ARHGAP24: variants seen among roughly 807,000 people sequenced by gnomAD.
The protein encoded by ARHGAP24 is Rho GTPase activating protein 24, also known as rho GTPase-activating protein 24.
In ARHGAP24, 50 loss-of-function variants were observed where a neutral mutation model predicts 76.4. The observed-to-expected ratio is 0.65, with a 90% CI of 0.52 to 0.83. The LOEUF (loss-of-function observed/expected upper bound fraction) is 0.83. ARHGAP24 is among the 40% of genes least tolerant of loss of function. The pLI is 0.00. For synonymous variants in ARHGAP24, 345 were observed against 323.3 expected (o/e 1.07, Z -0.72); for missense variants, 930 against 914.2 (o/e 1.02, Z -0.22).
At chr4:85,733,197 G>A (rs1268423232) in intron 3 of ARHGAP24, among the ~76,000 whole-genome samples, 1 of 151,152 alleles carries the variant, frequency 6.6e-6, no homozygotes, top group Non-Finnish European at 1.5e-5. Flanking sequence ...CCGAGTAGCT[G>A]GGACTACAGG....
intron 2 of ARHGAP24, among the ~76,000 whole-genome samples, chr4:85,644,491 A>G (rs1462273893): frequency 1.3e-5 from 2 of 152,150 alleles, no homozygotes; most frequent in Non-Finnish European, 2.9e-5. Flanking sequence ...TATAATGATG[A>G]TGATTGCATA....
At chr4:85,592,073 T>C (rs1384133) in intron 2 of ARHGAP24, among the ~76,000 whole-genome samples, 141,798 of 152,232 alleles carry the variant, frequency 0.93, 66,080 homozygotes, top group East Asian at 0.98. Flanking sequence ...TGACTCCCAC[T>C]GTTCCTTCCC....
intron 2 of ARHGAP24, among the ~76,000 whole-genome samples, chr4:85,625,463 A>G (rs933431090): frequency 1.3e-5 from 2 of 152,034 alleles, no homozygotes; most frequent in Non-Finnish European, 2.9e-5. Context: ...CTGTTCTTTT[A>G]CATTTGCTGA....
At chr4:85,629,556 A>G (rs1005187188) in intron 2 of ARHGAP24, among the ~76,000 whole-genome samples, 2 of 152,086 alleles carry the variant, frequency 1.3e-5, no homozygotes, top group Non-Finnish European at 2.9e-5. Context: ...TAACTCCCAT[A>G]GTTTTTGTTT....
At position 85,552,587 on chromosome 4, in the gene ARHGAP24, T is replaced by G. The variant is rs1726182900; in HGVS notation, c.-20-17935T>G. On this transcript the variant is annotated intron_variant, in intron 1 of 9. Coordinates refer to ENST00000395184, the MANE Select transcript of ARHGAP24 (RefSeq NM_001025616.3). Reference sequence around the variant, plus strand: ...TGAATATTTTTGTTAACTTTGTGCCTCTATGATCTGTCTAATACCATCAGT... The same window carrying G: ...TGAATATTTTTGTTAACTTTGTGCCGCTATGATCTGTCTAATACCATCAGT... Among the ~76,000 whole-genome samples, 7 of 152,176 alleles carry G rather than the reference T, an allele frequency of 4.6e-5. No individual in the cohort carries two copies. In the South Asian group the frequency reaches 1.4e-3, roughly 32 times the overall value.
At chr4:85,510,818 C>T (rs1025956832) in intron 1 of ARHGAP24, among the ~76,000 whole-genome samples, 1 of 14,006 alleles carries the variant, frequency 7.1e-5, no homozygotes, top group Non-Finnish European at 1.8e-4. Flanking sequence ...TCCTCCTCCT[C>T]CTCCTTCTCT....
intron 3 of ARHGAP24, among the ~76,000 whole-genome samples, chr4:85,787,749 G>A (rs1300185119): frequency 6.6e-6 from 1 of 152,102 alleles, no homozygotes; most frequent in African/African-American, 2.4e-5. Context: ...GGTTCTTGAG[G>A]GGTGGCAGGA....
intron 3 of ARHGAP24, among the ~76,000 whole-genome samples, chr4:85,882,117 A>T (rs1032632208): frequency 6.6e-6 from 1 of 151,992 alleles, no homozygotes; most frequent in Non-Finnish European, 1.5e-5. Flanking sequence ...AAGAATTCTT[A>T]CTAGATTGTC....
intron 3 of ARHGAP24, among the ~76,000 whole-genome samples, chr4:85,745,025 A>T (rs150070623): frequency 6.6e-6 from 1 of 152,218 alleles, no homozygotes; most frequent in African/African-American, 2.4e-5. Context: ...ATTAATTCCA[A>T]ACAATGTTTA....
intron 9 of ARHGAP24, among the ~76,000 whole-genome samples, chr4:85,998,541 C>T (rs1044542643): frequency 3.3e-5 from 5 of 151,846 alleles, no homozygotes; most frequent in Non-Finnish European, 7.4e-5. Context: ...ATCTTCCCAC[C>T]TTCTCAATTT....
At position 85,992,138 on chromosome 4, in the gene ARHGAP24, T is replaced by G. The variant is rs114573209; in HGVS notation, c.929-2445T>G. ...TTATAACCAGTCTGACCTCATTATC[T>G]GGGCTTCATGTTCCTCATTGGCATT... On this transcript the variant is annotated intron_variant, in intron 8 of 9. Transcript: ENST00000395184. 3.6e-3 allele frequency: 1,413 copies of G among 397,840 alleles called. 5 individuals carry two copies. Among genetic ancestry groups the G allele is most frequent in the Non-Finnish European group, 4.7e-3 (1,053 of 225,506 alleles). The allele number at this position is 397,840 out of a possible 1,614,324, so 24.6% of individuals were successfully genotyped here. A position where few individuals can be genotyped will look rare whatever the true frequency, so the allele number is the denominator to read the frequency against.
chr4:85,848,760 T>C (rs1311146410), intron 3 of ARHGAP24, among the ~76,000 whole-genome samples: 1 of 152,170 alleles, frequency 6.6e-6, no homozygotes, highest in East Asian at 1.9e-4. Context: ...TGGTTGTAGA[T>C]GTGTGGTATT....
In ARHGAP24 at chr4:85,903,995, C is replaced by T. The variant is rs1734635658; in HGVS notation, c.269-19653C>T. Among the ~76,000 whole-genome samples, 4 of 152,124 alleles carry T rather than the reference C, an allele frequency of 2.6e-5. No homozygotes were observed. The South Asian group carries it at 8.3e-4, about 31-fold the overall frequency. On this transcript the variant is annotated intron_variant, in intron 3 of 9. Transcript: ENST00000395184. The stretch of plus-strand genomic sequence containing the variant: ...GGAAATTAAAAAAAAGAAACTTTAT[C>T]TTGTTTTAACCTATAGTATTTCACA...
rs145206111 is a variant in ARHGAP24 at position 85,876,785 on chromosome 4, C to T, written c.269-46863C>T. Among the ~76,000 whole-genome samples, 373 of 152,274 alleles carry T rather than the reference C, an allele frequency of 2.4e-3. 1 individual carries two copies. The highest frequency in any genetic ancestry group is 8.6e-3 in the African/African-American group (358 of 41,546). ...CACACGTAACATCAGTGGTACTGAC[C>T]ATCAACCAGCATGTAAGGCCTCCCA... On this transcript the variant is annotated intron_variant, in intron 3 of 9. Transcript: ENST00000395184.
intron 3 of ARHGAP24, among the ~76,000 whole-genome samples, chr4:85,879,887 C>T (rs1415262063): frequency 6.6e-6 from 1 of 151,894 alleles, no homozygotes; most frequent in Non-Finnish European, 1.5e-5. Flanking sequence ...GAACGGCTTC[C>T]GAGGCATTAG....
chr4:85,940,476 T>C (rs757898037), intron 4 of ARHGAP24, among the ~76,000 whole-genome samples: 2 of 152,074 alleles, frequency 1.3e-5, no homozygotes, highest in Non-Finnish European at 2.9e-5. Flanking sequence ...AGAAGACTTA[T>C]TGACATTGAA....
At chr4:85,497,508 T>G (rs531261755) in intron 1 of ARHGAP24, among the ~76,000 whole-genome samples, 1 of 152,282 alleles carries the variant, frequency 6.6e-6, no homozygotes, top group African/African-American at 2.4e-5. Flanking sequence ...GCAAAATCAG[T>G]TCTTCTATGC....
At chr4:85,721,376 CAA>C (rs1228818660) in intron 2 of ARHGAP24, among the ~76,000 whole-genome samples, 1 of 129,800 alleles carries the variant, frequency 7.7e-6, no homozygotes, top group Non-Finnish European at 1.6e-5. Flanking sequence ...ACCTGGGTGA[CAA>C]GAGCAAAACT....
chr4:85,814,689 T>C (rs113535043), intron 3 of ARHGAP24, among the ~76,000 whole-genome samples: 8 of 152,296 alleles, frequency 5.3e-5, no homozygotes, highest in African/African-American at 1.7e-4. Context: ...GTGTTGAGTG[T>C]CTATGGCTTT....
Sources: allele counts gnomAD v4.1 joint callset (sites outside exome capture counted in the v4.1 genomes callset), GRCh38; gene constraint gnomAD v4.1.1; transcripts MANE v1.5; gene names NCBI Gene and HGNC (gene_info 2026-07-23, HGNC 2026-07-21).